Variants in AK5 observed in about 807,000 individuals in gnomAD.
AK5 encodes the protein adenylate kinase isoenzyme 5.
Under a neutral mutation model 69.5 loss-of-function variants are expected in AK5, and 27 were observed. That is an observed-to-expected ratio of 0.39 (90% CI 0.29 to 0.54). AK5 has a LOEUF of 0.54. Ranked by LOEUF, AK5 falls within the 20% of genes least tolerant of loss-of-function variation. The pLI, the probability that AK5 is intolerant of heterozygous loss-of-function variation, is 0.71. For synonymous variants in AK5, 260 were observed against 244.4 expected, an observed-to-expected ratio of 1.06 and a Z score of -0.60; for missense variants, 531 against 700.4, an observed-to-expected ratio of 0.76 and a Z score of 2.73.
At chr1:77,548,071 A>G (rs190652812) in intron 13 of AK5, among the ~76,000 whole-genome samples, 4 of 152,336 alleles carry the variant, frequency 2.6e-5, no homozygotes, top group Admixed American at 6.5e-5. Flanking sequence ...ATGTTATTCA[A>G]AACTTTAGGC....
rs1366579137 is a variant in AK5, at chr1:77,367,575, A to ATGT, written c.891+27008_891+27009insGTT. ...GTTATTTTTATATATATATATATATATATAATATATATGTTATATATGTAA... is the reference window on the plus strand; with the variant it reads ...GTTATTTTTATATATATATATATATATGTTATAATATATATGTTATATATGTAA... On this transcript the variant is annotated intron_variant, in intron 6 of 13. Transcript: ENST00000354567. Among the ~76,000 whole-genome samples the ATGT allele has an allele frequency of 1.9e-3, 21 of 11,308 alleles. 1 individual carries two copies. Among genetic ancestry groups the ATGT allele is most frequent in the African/African-American group, 2.8e-3 (13 of 4,616 alleles). 7.4% of individuals were successfully genotyped at this position (11,308 alleles called of 152,430 possible).
At chr1:77,374,011 A>G (rs867888902) in intron 6 of AK5, among the ~76,000 whole-genome samples, 22 of 152,208 alleles carry the variant, frequency 1.4e-4, no homozygotes, top group African/African-American at 3.4e-4. Context: ...CATAAAATAC[A>G]TATATAGAGT....
At chr1:77,383,246 A>G (rs1647774710) in intron 6 of AK5, among the ~76,000 whole-genome samples, 2 of 152,212 alleles carry the variant, frequency 1.3e-5, no homozygotes. Context: ...TATACTTAAC[A>G]AAAATATATT....
intron 8 of AK5, among the ~76,000 whole-genome samples, chr1:77,437,401 CAT>C (rs1652019068): frequency 1.3e-5 from 2 of 152,018 alleles, no homozygotes; most frequent in African/African-American, 4.8e-5. Context: ...GACAGCAAAA[CAT>C]AGTAATTTAA....
At chr1:77,325,764 C>CA (rs1251962396) in intron 5 of AK5, among the ~76,000 whole-genome samples, 2 of 151,686 alleles carry the variant, frequency 1.3e-5, no homozygotes, top group African/African-American at 4.8e-5. Context: ...GCATCTCTTT[C>CA]ATCTAGTGTG....
intron 13 of AK5, among the ~76,000 whole-genome samples, chr1:77,556,242 CT>C (rs1302924634): frequency 6.6e-5 from 10 of 152,206 alleles, no homozygotes; most frequent in Non-Finnish European, 1.3e-4. Context: ...TATGTCTCCC[CT>C]GTCACAGCTT....
At chr1:77,304,482 C>T (rs763795022) in intron 5 of AK5, among the ~76,000 whole-genome samples, 5 of 151,586 alleles carry the variant, frequency 3.3e-5, no homozygotes, top group African/African-American at 4.9e-5. Context: ...CTCGGCTCAC[C>T]GCAGCGTCTG....
chr1:77,537,078 T>C (rs1659011690), intron 13 of AK5, among the ~76,000 whole-genome samples: 1 of 151,638 alleles, frequency 6.6e-6, no homozygotes, highest in Non-Finnish European at 1.5e-5. Context: ...AAGCTTAGGG[T>C]TTCAGTAGGA....
chr1:77,350,660 G>A (rs1662144763), intron 6 of AK5, among the ~76,000 whole-genome samples: 1 of 152,152 alleles, frequency 6.6e-6, no homozygotes, highest in South Asian at 2.1e-4. Flanking sequence ...GGCAAACATG[G>A]GAGTAATTGG....
intron 6 of AK5, among the ~76,000 whole-genome samples, chr1:77,345,835 G>A (rs939196144): frequency 2.6e-5 from 4 of 152,216 alleles, no homozygotes; most frequent in South Asian, 2.1e-4. Flanking sequence ...CTTGAATAAC[G>A]CAAGGATTGG....
chr1:77,502,497 C>A (rs1464513030), intron 10 of AK5, among the ~76,000 whole-genome samples: 1 of 152,044 alleles, frequency 6.6e-6, no homozygotes, highest in Non-Finnish European at 1.5e-5. Flanking sequence ...AGCCTTGTGC[C>A]CACAATAAAA....
chr1:77,517,100 C>CG (rs1317432121), intron 10 of AK5, among the ~76,000 whole-genome samples: 1 of 148,990 alleles, frequency 6.7e-6, no homozygotes, highest in Non-Finnish European at 1.5e-5. Context: ...GAAGAAATAG[C>CG]GGGGAAAGAT....
intron 13 of AK5, among the ~76,000 whole-genome samples, chr1:77,550,693 T>C (rs1409812408): frequency 2.6e-5 from 4 of 152,338 alleles, no homozygotes; most frequent in Middle Eastern, 6.8e-3. Flanking sequence ...GAGTTGCAGT[T>C]ATATACAAAA....
At chr1:77,445,332 A>T (rs1471356228) in intron 8 of AK5, among the ~76,000 whole-genome samples, 1 of 152,172 alleles carries the variant, frequency 6.6e-6, no homozygotes, top group African/African-American at 2.4e-5. Flanking sequence ...AACAAGTGTG[A>T]AGTGGTATCT....
chr1:77,557,332 TA>T, intron 13 of AK5: 1 of 209,612 alleles, frequency 4.8e-6, no homozygotes, highest in Non-Finnish European at 1.0e-5. Context: ...CTTTAAGAGG[TA>T]ATGCCTCATA....
intron 10 of AK5, among the ~76,000 whole-genome samples, chr1:77,497,590 T>A (rs1656419648): frequency 6.6e-6 from 1 of 152,140 alleles, no homozygotes; most frequent in Non-Finnish European, 1.5e-5. Flanking sequence ...ATGAGTTTAG[T>A]TTTAAACTTT....
At chr1:77,419,026 A>G (rs1009797536) in intron 8 of AK5, among the ~76,000 whole-genome samples, 3 of 147,924 alleles carry the variant, frequency 2.0e-5, no homozygotes, top group Non-Finnish European at 4.5e-5. Flanking sequence ...CTAGGAAGTA[A>G]GAATTATTAT....
intron 6 of AK5, among the ~76,000 whole-genome samples, chr1:77,359,233 G>A (rs538635564): frequency 5.9e-4 from 88 of 149,132 alleles, no homozygotes; most frequent in African/African-American, 2.1e-3. Flanking sequence ...CCAGCCTGGC[G>A]ACAGAGCGAG....
At chr1:77,550,941 C>T (rs1659793001) in intron 13 of AK5, among the ~76,000 whole-genome samples, 1 of 152,164 alleles carries the variant, frequency 6.6e-6, no homozygotes, top group African/African-American at 2.4e-5. Context: ...CTTTGGGAGG[C>T]CAAGGCAGGC....
Sources: gnomAD v4.1 joint callset for allele counts (sites outside exome capture counted in the v4.1 genomes callset) on GRCh38, gnomAD v4.1.1 for gene constraint, MANE v1.5 for transcripts, NCBI Gene and HGNC (gene_info 2026-07-23, HGNC 2026-07-21) for gene names.